Variants in LNX1 observed in about 807,000 individuals in gnomAD.
The protein encoded by LNX1 is E3 ubiquitin-protein ligase LNX.
Under a neutral mutation model 68.4 loss-of-function variants are expected in LNX1, and 54 were observed. That is an observed-to-expected ratio of 0.79 (90% CI 0.63 to 0.99). The LOEUF (loss-of-function observed/expected upper bound fraction) is 0.99. LNX1 is among the 50% of genes least tolerant of loss of function. The pLI, the probability that LNX1 is intolerant of heterozygous loss-of-function variation, is 0.00. For synonymous variants in LNX1, 336 were observed against 350.0 expected (o/e 0.96, Z 0.45); for missense variants, 906 against 926.4 (o/e 0.98, Z 0.29).
chr4:53,538,165 G>T (rs2109646940), intron 2 of LNX1, among the ~76,000 whole-genome samples: 1 of 152,318 alleles, frequency 6.6e-6, no homozygotes, highest in African/African-American at 2.4e-5. Context: ...ACAGAATCCA[G>T]AGGAAAGGAA....
intron 2 of LNX1, chr4:53,557,814 G>T (rs1329671941): frequency 1.1e-5 from 18 of 1,598,756 alleles, no homozygotes; most frequent in East Asian, 2.2e-5. Flanking sequence ...ATGGACTCGG[G>T]TCCCACCCCC....
chr4:53,647,782 C>G (rs544046360), intron 1 of LNX1, among the ~76,000 whole-genome samples: 1 of 152,234 alleles, frequency 6.6e-6, no homozygotes, highest in African/African-American at 2.4e-5. Flanking sequence ...TTTCCCTCAG[C>G]CCCCGGCAAC....
At position 53,496,067 on chromosome 4, in the gene LNX1, C is replaced by T; in HGVS notation, c.1306G>A (p.Asp436Asn). ...CTTTCTGGGCTGCCATATCGAAGAT[C>T]ATGTCCATTGATGGCTAACACACGG... ...NDRVLAINGH[D>N]LRYGSPESAA... The change falls in exon 6 of 11, where the codon GAT (aspartate) becomes AAT (asparagine). Residue 436 changes from aspartate (D) to asparagine (N), a missense_variant. Transcript: ENST00000263925. 1.2e-6 allele frequency: 2 copies of T among 1,614,152 alleles called. No individual in the cohort carries two copies. The highest frequency in any genetic ancestry group is 1.7e-6 in the Non-Finnish European group (2 of 1,180,012).
chr4:53,573,645 G>A lies in LNX1; in HGVS notation c.358C>T (p.Leu120Phe), dbSNP rs756578801. ...HCTQVLQRCDLEHHFQTSCKG... is the reference protein window; with the variant it reads ...HCTQVLQRCDFEHHFQTSCKG... ...TACCTGGTTTGAAAGTGATGCTCGA[G>A]GTCACAGCGCTGCAACACCTGGGTG... is the stretch of plus-strand genomic sequence containing the variant. The change falls in exon 2 of 11, where the codon CTC (leucine) becomes TTC (phenylalanine). Residue 120 changes from leucine (L) to phenylalanine (F), a missense_variant. Coordinates refer to ENST00000263925, the MANE Select transcript of LNX1 (RefSeq NM_001126328.3). 2.5e-6 allele frequency: 4 copies of A among 1,604,302 alleles called. No individual in the cohort carries two copies. Among genetic ancestry groups the A allele is most frequent in the African/African-American group, 2.7e-5 (2 of 74,894 alleles).
intron 2 of LNX1, among the ~76,000 whole-genome samples, chr4:53,563,558 A>T (rs1465834660): frequency 1.4e-5 from 2 of 147,220 alleles, no homozygotes; most frequent in East Asian, 3.9e-4. Flanking sequence ...TTTTTGAGAC[A>T]GAGTCTCGCT....
At position 53,496,332 on chromosome 4, in the gene LNX1, G is replaced by A; in HGVS notation, c.1041C>T (p.Pro347=). The A allele has an allele frequency of 1.2e-6, 2 of 1,614,178 alleles. No homozygotes were observed. The highest frequency in any genetic ancestry group is 1.7e-6 in the Non-Finnish European group (2 of 1,180,036). ...TCACAGTCAGCCACAGCACCTGGCAGGGCTGCCGCAGGAGACGCACAGCGT... is the reference window on the plus strand; with the variant it reads ...TCACAGTCAGCCACAGCACCTGGCAAGGCTGCCGCAGGAGACGCACAGCGT... ...HNYAVRLLRQ[P]CQVLWLTVMR... Residue 347 remains proline (P), a synonymous_variant, in exon 6 of 11, where the codon CCC becomes CCT. Coordinates refer to ENST00000263925, the MANE Select transcript of LNX1 (RefSeq NM_001126328.3).
chr4:53,523,107 G>A (rs1416833302), intron 2 of LNX1: 1 of 152,152 alleles, frequency 6.6e-6, no homozygotes, highest in Admixed American at 6.5e-5. Flanking sequence ...ATCAGATACA[G>A]ACAAACAACT....
intron 9 of LNX1, among the ~76,000 whole-genome samples, chr4:53,469,185 C>T (rs1195021035): frequency 2.4e-4 from 36 of 152,200 alleles, no homozygotes; most frequent in Admixed American, 2.3e-3. Flanking sequence ...GATTAAGAAA[C>T]TCACTCAAAA....
intron 9 of LNX1, among the ~76,000 whole-genome samples, chr4:53,467,523 T>G (rs1308742017): frequency 2.0e-5 from 3 of 152,092 alleles, no homozygotes; most frequent in Admixed American, 1.3e-4. Context: ...GAGGAAGGCT[T>G]CAGAAGATCA....
chr4:53,563,914 G>T (rs1340159389), intron 2 of LNX1, among the ~76,000 whole-genome samples: 2 of 152,228 alleles, frequency 1.3e-5, no homozygotes, highest in Non-Finnish European at 2.9e-5. Flanking sequence ...GGCATATGGT[G>T]ACTAATACAT....
At chr4:53,507,295 GC>G in intron 4 of LNX1, 21 bp downstream of exon 4, 1 of 1,610,390 alleles carries the variant, frequency 6.2e-7, no homozygotes, top group Non-Finnish European at 8.5e-7. Context: ...TGTCCATCCA[GC>G]CTTATGGGGA....
chr4:53,540,740 G>A (rs1728703327), intron 2 of LNX1, among the ~76,000 whole-genome samples: 1 of 152,146 alleles, frequency 6.6e-6, no homozygotes, highest in Non-Finnish European at 1.5e-5. Context: ...CAGAGCTACA[G>A]ACTGTGTAGA....
At chr4:53,533,871 G>A (rs1728189230) in intron 2 of LNX1, among the ~76,000 whole-genome samples, 2 of 152,222 alleles carry the variant, frequency 1.3e-5, no homozygotes, top group Non-Finnish European at 2.9e-5. Flanking sequence ...TGAGAGGGGT[G>A]CCAAGCATCT....
chr4:53,508,399 C>T, intron 2 of LNX1, 172 bp from the exon 3 acceptor site: 2 of 756,934 alleles, frequency 2.6e-6, no homozygotes, highest in East Asian at 5.5e-5. Context: ...ACTCAATATA[C>T]ATTTGCCAAC....
intron 1 of LNX1, among the ~76,000 whole-genome samples, chr4:53,650,651 C>T (rs148306987): frequency 1.5e-3 from 234 of 152,206 alleles, no homozygotes; most frequent in African/African-American, 5.3e-3. Context: ...CTCTTTTCAC[C>T]GTTCTATACT....
chr4:53,523,223 A>T (rs1727362350), intron 2 of LNX1: 1 of 152,246 alleles, frequency 6.6e-6, no homozygotes, highest in Admixed American at 6.5e-5. Context: ...AAGGATTGTT[A>T]TGAAGAATGT....
intron 2 of LNX1, among the ~76,000 whole-genome samples, chr4:53,553,692 T>G (rs1422384016): frequency 6.6e-6 from 1 of 152,164 alleles, no homozygotes; most frequent in Non-Finnish European, 1.5e-5. Flanking sequence ...GCACTGTCAC[T>G]CATTCTTAGG....
intron 2 of LNX1, among the ~76,000 whole-genome samples, chr4:53,564,191 T>A (rs909764813): frequency 1.3e-5 from 2 of 152,212 alleles, no homozygotes; most frequent in Non-Finnish European, 2.9e-5. Context: ...TATCTCAGGC[T>A]TCCTTGAGGT....
rs563273693 is a variant in LNX1, at chr4:53,520,640, T to C, written c.381-12413A>G. Among the ~76,000 whole-genome samples the C allele has an allele frequency of 4.6e-5, 7 of 152,258 alleles. No individual in the cohort carries two copies. In the South Asian group the frequency reaches 1.0e-3, roughly 23 times the overall value. ...CAGGTTCTTTTTGGTTAACTTTTGGTCCCTGCAATTCTTGGTTCAAAATTA... is the reference window on the plus strand; with the variant it reads ...CAGGTTCTTTTTGGTTAACTTTTGGCCCCTGCAATTCTTGGTTCAAAATTA... On this transcript the variant is annotated intron_variant, in intron 2 of 10. Transcript: ENST00000263925.
Sources: gnomAD v4.1 joint callset for allele counts (sites outside exome capture counted in the v4.1 genomes callset) on GRCh38, gnomAD v4.1.1 for gene constraint, MANE v1.5 for transcripts, NCBI Gene and HGNC (gene_info 2026-07-23, HGNC 2026-07-21) for gene names.